The following JAKMIP3 variants were observed in gnomAD, a reference collection of about 807,000 sequenced individuals.
JAKMIP3 encodes janus kinase and microtubule-interacting protein 3.
JAKMIP3 carries 58 observed loss-of-function variants against 118.5 expected under a neutral mutation model. The observed-to-expected ratio is 0.49, with a 90% CI of 0.40 to 0.61. JAKMIP3 has a LOEUF of 0.61. JAKMIP3 is among the 20% of genes least tolerant of loss of function. JAKMIP3 has a pLI of 0.00. For missense variants in JAKMIP3, 950 were observed against 1,109.0 expected, an observed-to-expected ratio of 0.86 and a Z score of 2.04; for synonymous variants, 486 against 451.2, an observed-to-expected ratio of 1.08 and a Z score of -0.98.
chr10:132,147,854 G>A (rs543235767), intron 13 of JAKMIP3, 98 bp from the exon 14 acceptor site: 22 of 857,578 alleles, frequency 2.6e-5, no homozygotes, highest in Admixed American at 2.3e-4. Flanking sequence ...CGGCCTCCCC[G>A]GCAGCCAGCA....
chr10:132,175,310 T>G (rs2060042599), intron 23 of JAKMIP3, among the ~76,000 whole-genome samples: 1 of 152,228 alleles, frequency 6.6e-6, no homozygotes, highest in South Asian at 2.1e-4. Flanking sequence ...TTGAAGTTTA[T>G]TTTTTGCATG....
intron 1 of JAKMIP3, among the ~76,000 whole-genome samples, chr10:132,074,590 C>T (rs2040478345): frequency 6.6e-6 from 1 of 152,054 alleles, no homozygotes. Context: ...AGCTCTTTGT[C>T]GTATGCATAG....
chr10:132,083,574 G>A (rs758470470), intron 1 of JAKMIP3, among the ~76,000 whole-genome samples: 1 of 152,116 alleles, frequency 6.6e-6, no homozygotes, highest in Non-Finnish European at 1.5e-5. Flanking sequence ...CATTGCATTT[G>A]CTTTTGGGTT....
intron 2 of JAKMIP3, among the ~76,000 whole-genome samples, chr10:132,110,816 C>T (rs948455531): frequency 5.3e-5 from 8 of 152,352 alleles, no homozygotes; most frequent in African/African-American, 1.9e-4. Context: ...AGGGAGGGCT[C>T]TCGAGGGAAC....
chr10:132,092,126 C>T (rs1025026193), intron 1 of JAKMIP3, among the ~76,000 whole-genome samples: 6 of 152,066 alleles, frequency 3.9e-5, no homozygotes, highest in East Asian at 1.9e-4. Flanking sequence ...GAGTTTCTGC[C>T]GAGAGATCCA....
rs565537154 is a variant in JAKMIP3 at position 132,117,377 on chromosome 10, G to T, written c.436G>T (p.Gly146Trp). 6.2e-7 allele frequency: 1 copy of T among 1,613,872 alleles called. No individual in the cohort carries two copies. Among genetic ancestry groups the T allele is most frequent in the East Asian group, 2.2e-5 (1 of 44,876 alleles). Reference protein sequence around the residue: ...LSEAKEEAKKGFEVEKVKMQQ... With the variant: ...LSEAKEEAKKWFEVEKVKMQQ... ...CGAGGCCAAGGAGGAGGCCAAGAAG[G>T]GGTTCGAGGTGGAGAAGGTCAAGAT... The change falls in exon 3 of 24, where the codon GGG becomes TGG. Residue 146 changes from glycine to tryptophan, a missense_variant. By Grantham distance (184) the Gly-to-Trp change is radical (BLOSUM62 -2). Coordinates refer to ENST00000684848, the MANE Select transcript of JAKMIP3 (RefSeq NM_001323087.2). The surrounding 1 kb of genome is among the most constrained non-coding windows in gnomAD (Gnocchi z 8.6).
intron 3 of JAKMIP3, among the ~76,000 whole-genome samples, chr10:132,124,193 G>A (rs986718047): frequency 9.2e-5 from 14 of 152,186 alleles, no homozygotes; most frequent in Non-Finnish European, 4.4e-5. Flanking sequence ...TGCCCCTCCC[G>A]GCAGCACCCG....
intron 11 of JAKMIP3, chr10:132,143,760 A>T (rs898564578): frequency 2.0e-5 from 3 of 152,210 alleles, no homozygotes; most frequent in African/African-American, 7.2e-5. Context: ...AGGAGAGGAC[A>T]GGCGTCTGAA....
intron 17 of JAKMIP3, among the ~76,000 whole-genome samples, chr10:132,153,433 C>T (rs944172256): frequency 6.6e-6 from 1 of 152,162 alleles, no homozygotes; most frequent in African/African-American, 2.4e-5. Context: ...GCTCCTGGCA[C>T]ATAGGGGTTT....
chr10:132,042,183 G>C (rs4880306), intron 1 of JAKMIP3, among the ~76,000 whole-genome samples: 3,180 of 19,444 alleles, frequency 0.16, 96 homozygotes, highest in African/African-American at 0.38. Context: ...TTGCTCGCTC[G>C]CTCCTTCCTT....
chr10:132,126,272 G>T (rs1420460774), intron 3 of JAKMIP3, among the ~76,000 whole-genome samples: 2 of 150,044 alleles, frequency 1.3e-5, no homozygotes, highest in African/African-American at 2.5e-5. Context: ...GTTGGTTTTG[G>T]TTTTGTTTTT....
intron 3 of JAKMIP3, among the ~76,000 whole-genome samples, chr10:132,119,403 A>G (rs949072279): frequency 6.6e-6 from 1 of 152,222 alleles, no homozygotes; most frequent in Non-Finnish European, 1.5e-5. Flanking sequence ...TTTCGATCCC[A>G]GAGTCAGGAA....
In JAKMIP3 at chr10:132,163,473, G is replaced by A. The variant is rs1030582052; in HGVS notation, c.2424+61G>A. ...CCTGGCCAGGACCTGCACAGAGCCAGGGGGGGTCCTCCCACGGCCACACCT... is the reference window on the plus strand; with the variant it reads ...CCTGGCCAGGACCTGCACAGAGCCAAGGGGGGTCCTCCCACGGCCACACCT... On this transcript the variant is annotated intron_variant, in intron 20 of 23. Coordinates refer to ENST00000684848, the MANE Select transcript of JAKMIP3 (RefSeq NM_001323087.2). 5 of 1,447,782 alleles carry A rather than the reference G, an allele frequency of 3.5e-6. No individual in the cohort carries two copies. In the African/African-American group the frequency reaches 5.6e-5, roughly 16 times the overall value. 89.7% of individuals were successfully genotyped at this position (1,447,782 alleles called of 1,614,324 possible). A position where few individuals can be genotyped will look rare whatever the true frequency, so the allele number is the denominator to read the frequency against.
rs932805676 is a variant in JAKMIP3, at chr10:132,041,726, G to A, written c.-138+4988G>A. On this transcript the variant is annotated intron_variant, in intron 1 of 23. Coordinates refer to the JAKMIP3 transcript ENST00000657785. The stretch of plus-strand genomic sequence containing the variant: ...AGCTGCTAAGAGAATTTCATCGTCC[G>A]TTATAGCTGGCCTGAACTGTCGCGT... Among the ~76,000 whole-genome samples the A allele has an allele frequency of 2.8e-4, 43 of 152,236 alleles. 1 individual carries two copies. Among genetic ancestry groups the A allele is most frequent in the East Asian group, 1.9e-4 (1 of 5,194 alleles).
At chr10:132,157,683 C>T (rs2057260270) in intron 19 of JAKMIP3, among the ~76,000 whole-genome samples, 1 of 152,210 alleles carries the variant, frequency 6.6e-6, no homozygotes, top group Non-Finnish European at 1.5e-5. Context: ...CTCCACGCCA[C>T]GTCTGTTTGT....
At chr10:132,068,827 C>T (rs2039353192) in intron 1 of JAKMIP3, among the ~76,000 whole-genome samples, 1 of 152,116 alleles carries the variant, frequency 6.6e-6, no homozygotes, top group African/African-American at 2.4e-5. Flanking sequence ...TGCCAGTTTC[C>T]AAGCAAGCAC....
At chr10:132,092,079 A>G (rs894977001) in intron 1 of JAKMIP3, among the ~76,000 whole-genome samples, 8 of 133,384 alleles carry the variant, frequency 6.0e-5, no homozygotes, top group African/African-American at 2.4e-4. Context: ...TTATTTAAGA[A>G]TGTTGAATAC....
chr10:132,163,801 C>T (rs970751936), intron 20 of JAKMIP3, among the ~76,000 whole-genome samples: 1 of 152,252 alleles, frequency 6.6e-6, no homozygotes, highest in African/African-American at 2.4e-5. Context: ...CAGTTCCCCT[C>T]TTTTGGACCC....
intron 14 of JAKMIP3, 111 bp downstream of exon 14, chr10:132,148,161 C>G (rs1430247618): frequency 5.9e-6 from 4 of 677,564 alleles, no homozygotes; most frequent in Non-Finnish European, 1.0e-5. Flanking sequence ...TGAACATGAA[C>G]CCAAAAGGCT....
Sources: allele counts gnomAD v4.1 joint callset (sites outside exome capture counted in the v4.1 genomes callset), GRCh38; gene constraint gnomAD v4.1.1; non-coding constraint Gnocchi (gnomAD v3.1); transcripts MANE v1.5; gene names NCBI Gene and HGNC (gene_info 2026-07-23, HGNC 2026-07-21).